The following RIDA variants were observed in gnomAD, a reference collection of about 807,000 sequenced individuals.
RIDA encodes the protein 2-iminobutanoate/2-iminopropanoate deaminase.
A neutral mutation model predicts 17.8 loss-of-function variants in RIDA; 17 were observed. The ratio of observed to expected loss-of-function variants is 0.96; its 90% confidence interval spans 0.65 to 1.43. RIDA has a LOEUF of 1.43. Ranked by LOEUF, RIDA falls within the 40% of genes most tolerant of loss-of-function variation. The pLI, the probability that RIDA is intolerant of heterozygous loss-of-function variation, is 0.00. For synonymous variants in RIDA, 48 were observed against 55.7 expected, an observed-to-expected ratio of 0.86 and a Z score of 0.62; for missense variants, 158 against 161.7, an observed-to-expected ratio of 0.98 and a Z score of 0.12.
chr8:98,104,836 G>A (rs1429665810), intron 4 of RIDA, among the ~76,000 whole-genome samples: 1 of 151,786 alleles, frequency 6.6e-6, no homozygotes, highest in Non-Finnish European at 1.5e-5. Context: ...TCAGCCTCCC[G>A]AGTAGCTGGG....
chr8:98,105,141 A>G (rs943215686), intron 4 of RIDA, among the ~76,000 whole-genome samples: 3 of 151,358 alleles, frequency 2.0e-5, no homozygotes, highest in African/African-American at 7.3e-5. Context: ...AAAAAAAAAA[A>G]AAAGAAATAC....
At chr8:98,114,545 A>G (rs1051519172) in intron 1 of RIDA, among the ~76,000 whole-genome samples, 9 of 149,940 alleles carry the variant, frequency 6.0e-5, no homozygotes, top group Admixed American at 6.7e-5. Flanking sequence ...CATCTTGGCC[A>G]GGCTGGTCTT....
In RIDA at chr8:98,117,165, C is replaced by T. The variant is rs565742700; in HGVS notation, c.-69G>A. ...CAGCACCAGCCCTGCTGGCTTCTTA[C>T]TGGACTGACCAACCACAGCAGCGCC... On this transcript the variant is annotated 5_prime_UTR_variant, in exon 1 of 6. Transcript: ENST00000254878. 2 of 1,434,248 alleles carry T rather than the reference C, an allele frequency of 1.4e-6. No homozygotes were observed. Among genetic ancestry groups the T allele is most frequent in the Admixed American group, 1.7e-5 (1 of 59,682 alleles). 88.8% of individuals were successfully genotyped at this position (1,434,248 alleles called of 1,614,324 possible). A position where few individuals can be genotyped will look rare whatever the true frequency, so the allele number is the denominator to read the frequency against.
At chr8:98,104,428 T>C (rs952213861) in intron 5 of RIDA, 61 bp downstream of exon 5, 41 of 1,068,298 alleles carry the variant, frequency 3.8e-5, no homozygotes, top group Non-Finnish European at 5.9e-5. Context: ...AGTTTACTTA[T>C]AGAAGGAAAA....
chr8:98,104,082 CTTT>C (rs539041035), intron 5 of RIDA, among the ~76,000 whole-genome samples: 2 of 127,972 alleles, frequency 1.6e-5, no homozygotes, highest in African/African-American at 2.9e-5. Flanking sequence ...TATTTCTTTT[CTTT>C]TTTTTTTTTT....
chr8:98,107,886 T>C (rs1815655087), intron 2 of RIDA, among the ~76,000 whole-genome samples: 1 of 151,978 alleles, frequency 6.6e-6, no homozygotes, highest in Non-Finnish European at 1.5e-5. Context: ...TCTCATGCCT[T>C]AGCCTCCCGA....
chr8:98,110,090 A>C, intron 1 of RIDA, among the ~76,000 whole-genome samples: 1 of 152,352 alleles, frequency 6.6e-6, no homozygotes, highest in South Asian at 2.1e-4. Flanking sequence ...AAACCTTAGA[A>C]AAGAAAATAG....
At chr8:98,110,910 C>G (rs1468264981) in intron 1 of RIDA, among the ~76,000 whole-genome samples, 1 of 152,134 alleles carries the variant, frequency 6.6e-6, no homozygotes, top group African/African-American at 2.4e-5. Flanking sequence ...GACAGTTCCT[C>G]CTACACATGT....
chr8:98,116,043 A>C (rs1279766652), intron 1 of RIDA, among the ~76,000 whole-genome samples: 1 of 152,176 alleles, frequency 6.6e-6, no homozygotes, highest in Non-Finnish European at 1.5e-5. Flanking sequence ...CACTCAAGCC[A>C]TTCCCTCTAC....
At position 98,117,027 on chromosome 8, in the gene RIDA, G is replaced by A. The variant is rs1357389910; in HGVS notation, c.65+5C>T. The A allele has an allele frequency of 6.2e-7, 1 of 1,612,782 alleles. No individual in the cohort carries two copies. Among genetic ancestry groups the A allele is most frequent in the South Asian group, 1.1e-5 (1 of 91,046 alleles). The stretch of plus-strand genomic sequence containing the variant: ...GTCCGACACAGCTTCCACCAGCCAC[G>A]TTACCTGTAGGGTCCAATGGCCCCT... On this transcript the variant is annotated splice_donor_5th_base_variant and intron_variant, in intron 1 of 5. Transcript: ENST00000254878.
At chr8:98,109,108 T>G (rs1815680517) in intron 1 of RIDA, among the ~76,000 whole-genome samples, 2 of 152,070 alleles carry the variant, frequency 1.3e-5, no homozygotes. Context: ...GTGATTGAAT[T>G]GCTTGAGCCC....
At chr8:98,107,110 T>A (rs1271511372) in intron 2 of RIDA, among the ~76,000 whole-genome samples, 1 of 152,254 alleles carries the variant, frequency 6.6e-6, no homozygotes, top group Non-Finnish European at 1.5e-5. Context: ...TTGTTCTGCA[T>A]CTTGGTTTTA....
intron 1 of RIDA, among the ~76,000 whole-genome samples, chr8:98,114,583 C>T (rs1432913969): frequency 1.3e-5 from 2 of 151,922 alleles, no homozygotes; most frequent in African/African-American, 4.8e-5. Flanking sequence ...ATCCACCTGC[C>T]TCGGCCTCCC....
chr8:98,114,970 A>T (rs1321546830), intron 1 of RIDA, among the ~76,000 whole-genome samples: 1 of 152,124 alleles, frequency 6.6e-6, no homozygotes, highest in African/African-American at 2.4e-5. Flanking sequence ...CCTAAATTCA[A>T]ATTTTGTTAC....
rs761623890 is a variant in RIDA at position 98,106,289 on chromosome 8, C to T, written c.209G>A (p.Gly70Asp). The change falls in exon 3 of 6, where the codon GGC becomes GAC. Residue 70 changes from glycine to aspartate, a missense_variant. By Grantham distance (94) the Gly-to-Asp change is moderately conservative. Transcript: ENST00000254878. Reference protein sequence around the residue: ...KNMGEILKAAGCDFTNVVKTT... With the variant: ...KNMGEILKAADCDFTNVVKTT... ...TTGCTCACCGTTAGTGAAGTCACAGCCTGCAGCTTTCAGAATTTCACCCAT... is the reference window on the plus strand; with the variant it reads ...TTGCTCACCGTTAGTGAAGTCACAGTCTGCAGCTTTCAGAATTTCACCCAT... The T allele has an allele frequency of 1.5e-5, 25 of 1,613,686 alleles. No individual in the cohort carries two copies. Among genetic ancestry groups the T allele is most frequent in the Non-Finnish European group, 2.1e-5 (25 of 1,179,824 alleles).
In RIDA at chr8:98,106,534, C is replaced by T. The variant is rs183148561; in HGVS notation, c.172-208G>A. The stretch of plus-strand genomic sequence containing the variant: ...GGTGAAAATGTTGTCTCCTTTTGTG[C>T]GTAAAAAGACTAGGTTGAAGTTCCT... On this transcript the variant is annotated intron_variant, in intron 2 of 5. Coordinates refer to ENST00000254878, the MANE Select transcript of RIDA (RefSeq NM_005836.3). 6.2e-4 allele frequency: 311 copies of T among 501,832 alleles called. 1 individual carries two copies. The highest frequency in any genetic ancestry group is 5.3e-3 in the African/African-American group (277 of 52,020). The allele number at this position is 501,832 out of a possible 1,614,324, so 31.1% of individuals were successfully genotyped here. A position where few individuals can be genotyped will look rare whatever the true frequency, so the allele number is the denominator to read the frequency against.
intron 1 of RIDA, among the ~76,000 whole-genome samples, chr8:98,113,243 G>A: frequency 6.6e-6 from 1 of 152,196 alleles, no homozygotes; most frequent in East Asian, 1.9e-4. Context: ...GAAATGTGCT[G>A]AGCTGATTGG....
At position 98,108,705 on chromosome 8, in the gene RIDA, C is replaced by A. The variant is rs781008707; in HGVS notation, c.112G>T (p.Gly38Cys). 6.2e-7 allele frequency: 1 copy of A among 1,613,698 alleles called. No individual in the cohort carries two copies. Among genetic ancestry groups the A allele is most frequent in the Non-Finnish European group, 8.5e-7 (1 of 1,179,778 alleles). Residue 38 changes from glycine to cysteine, a missense_variant, in exon 2 of 6, where the codon GGC becomes TGC. Gly to Cys is a radical substitution (Grantham distance 159). Transcript: ENST00000254878. Reference sequence around the variant, plus strand: ...AGCTGTCCACTTGAAGGGTCCATGCCTATCTGTCCTGAAATGTAAATGGTC... The same window carrying A: ...AGCTGTCCACTTGAAGGGTCCATGCATATCTGTCCTGAAATGTAAATGGTC... ...DRTIYISGQIGMDPSSGQLVS... is the reference protein window; with the variant it reads ...DRTIYISGQICMDPSSGQLVS...
At chr8:98,108,217 T>G (rs1299322330) in intron 2 of RIDA, among the ~76,000 whole-genome samples, 1 of 152,216 alleles carries the variant, frequency 6.6e-6, no homozygotes, top group Non-Finnish European at 1.5e-5. Context: ...GTGCCTGGCC[T>G]AAATTATGGT....
Sources: gnomAD v4.1 joint callset for allele counts (sites outside exome capture counted in the v4.1 genomes callset) on GRCh38, gnomAD v4.1.1 for gene constraint, MANE v1.5 for transcripts, NCBI Gene and HGNC (gene_info 2026-07-23, HGNC 2026-07-21) for gene names.